Variants in SGCZ observed in about 807,000 individuals in gnomAD.
SGCZ encodes sarcoglycan zeta.
In SGCZ, 40 loss-of-function variants were observed where a neutral mutation model predicts 41.3. The observed-to-expected ratio is 0.97, with a 90% confidence interval of 0.75 to 1.26. The LOEUF is 1.26. SGCZ is among the 50% of genes most tolerant of loss of function. The pLI is 0.00. For missense variants in SGCZ, 552 were observed against 369.8 expected (o/e 1.49, Z -4.04); for synonymous variants, 206 against 137.5 (o/e 1.50, Z -3.49).
chr8:14,783,022 G>A (rs2130440345), intron 1 of SGCZ, among the ~76,000 whole-genome samples: 1 of 152,280 alleles, frequency 6.6e-6, no homozygotes, highest in Non-Finnish European at 1.5e-5. Context: ...TTTACTTGGA[G>A]TTGTATTATT....
intron 1 of SGCZ, among the ~76,000 whole-genome samples, chr8:14,872,500 T>C (rs1585337002): frequency 6.6e-6 from 1 of 152,076 alleles, no homozygotes; most frequent in African/African-American, 2.4e-5. Context: ...ACAATGGTAA[T>C]AGAATCAGCA....
At position 15,057,115 on chromosome 8, in the gene SGCZ, G is replaced by C. The variant is rs114492782; in HGVS notation, c.39+180470C>G. 7.2e-3 allele frequency among the ~76,000 whole-genome samples: 1,095 copies of C among 152,294 alleles called. 9 individuals carry two copies. Among genetic ancestry groups the C allele is most frequent in the African/African-American group, 0.026 (1,062 of 41,566 alleles). On this transcript the variant is annotated intron_variant, in intron 1 of 7. Coordinates refer to ENST00000382080, the MANE Select transcript of SGCZ (RefSeq NM_139167.4). ...GCTGTTCCCCGATTACCACTGTGTG[G>C]GCCGATCAGCACTAGGCTGGAGCAC...
At chr8:15,002,232 A>G (rs1284551638) in intron 1 of SGCZ, among the ~76,000 whole-genome samples, 1 of 152,112 alleles carries the variant, frequency 6.6e-6, no homozygotes, top group Non-Finnish European at 1.5e-5. Flanking sequence ...TAATAAGTCA[A>G]TACAAAAACC....
At position 14,604,005 on chromosome 8, in the gene SGCZ, A is replaced by AC. The variant is rs1322106323; in HGVS notation, c.40-49080_40-49079insG. ...AAAATAGCAAACTGCCCTAAAAGTA[A>AC]TTCAACATCCTTAACAATTCATCCC... On this transcript the variant is annotated intron_variant, in intron 1 of 7. Transcript: ENST00000382080. Among the ~76,000 whole-genome samples the AC allele has an allele frequency of 2.0e-5, 3 of 152,304 alleles. No individual in the cohort carries two copies. The East Asian group carries it at 5.8e-4, about 29-fold the overall frequency.
chr8:14,414,938 G>A (rs1428123846), intron 2 of SGCZ, among the ~76,000 whole-genome samples: 1 of 151,834 alleles, frequency 6.6e-6, no homozygotes, highest in Non-Finnish European at 1.5e-5. Flanking sequence ...CTTAAAATTA[G>A]GAAGGCACTT....
At chr8:14,942,040 C>T (rs1256076152) in intron 1 of SGCZ, among the ~76,000 whole-genome samples, 8 of 152,094 alleles carry the variant, frequency 5.3e-5, no homozygotes, top group Non-Finnish European at 7.4e-5. Context: ...TTTAAAGCCT[C>T]TGTAATGGGT....
intron 1 of SGCZ, among the ~76,000 whole-genome samples, chr8:14,572,189 T>A (rs539030744): frequency 6.6e-6 from 1 of 152,326 alleles, no homozygotes; most frequent in South Asian, 2.1e-4. Flanking sequence ...ATTTTACTGC[T>A]CTCTACCAGA....
intron 2 of SGCZ, among the ~76,000 whole-genome samples, chr8:14,346,327 T>C (rs1459835317): frequency 6.6e-6 from 1 of 152,078 alleles, no homozygotes; most frequent in African/African-American, 2.4e-5. Context: ...TGAGATAAAA[T>C]ATACATTAGG....
At chr8:15,089,728 A>G (rs993665189) in intron 1 of SGCZ, among the ~76,000 whole-genome samples, 5 of 152,170 alleles carry the variant, frequency 3.3e-5, no homozygotes, top group African/African-American at 1.2e-4. Flanking sequence ...GACTGAGGAC[A>G]TGAACAGAAT....
At chr8:14,103,055 T>C (rs1156373635) in intron 6 of SGCZ, among the ~76,000 whole-genome samples, 1 of 152,116 alleles carries the variant, frequency 6.6e-6, no homozygotes, top group African/African-American at 2.4e-5. Flanking sequence ...AATAATGAAA[T>C]AAGACATTTT....
intron 2 of SGCZ, among the ~76,000 whole-genome samples, chr8:14,333,065 C>A (rs2117056243): frequency 6.6e-6 from 1 of 152,030 alleles, no homozygotes; most frequent in East Asian, 1.9e-4. Flanking sequence ...ATATATTTTT[C>A]TACAGGCAAT....
intron 2 of SGCZ, among the ~76,000 whole-genome samples, chr8:14,535,600 G>A (rs1019528832): frequency 1.3e-5 from 2 of 151,776 alleles, no homozygotes; most frequent in Non-Finnish European, 2.9e-5. Flanking sequence ...GCAGTGTTAA[G>A]CCTTCATAAC....
At chr8:14,968,716 G>C (rs762298874) in intron 1 of SGCZ, among the ~76,000 whole-genome samples, 3 of 152,112 alleles carry the variant, frequency 2.0e-5, no homozygotes, top group Non-Finnish European at 4.4e-5. Flanking sequence ...TCTAAGCTGA[G>C]TGTTTAAAGG....
intron 3 of SGCZ, among the ~76,000 whole-genome samples, chr8:14,249,867 G>C (rs1799228613): frequency 6.6e-6 from 1 of 152,272 alleles, no homozygotes; most frequent in South Asian, 2.1e-4. Flanking sequence ...GCAAGATTTT[G>C]AGCCAGAAGC....
chr8:14,447,061 T>A (rs548104964), intron 2 of SGCZ, among the ~76,000 whole-genome samples: 1 of 152,150 alleles, frequency 6.6e-6, no homozygotes, highest in Non-Finnish European at 1.5e-5. Context: ...ATACCACATT[T>A]TCCAGAAAAT....
chr8:14,443,010 C>A (rs572643489), intron 2 of SGCZ, among the ~76,000 whole-genome samples: 1 of 152,188 alleles, frequency 6.6e-6, no homozygotes, highest in South Asian at 2.1e-4. Flanking sequence ...TTCTTATAAA[C>A]CAATAACAGC....
intron 2 of SGCZ, among the ~76,000 whole-genome samples, chr8:14,531,561 A>G (rs1389460033): frequency 2.0e-5 from 3 of 152,126 alleles, no homozygotes; most frequent in Admixed American, 6.6e-5. Context: ...GTGGCAGTCC[A>G]GAAGTTTCCA....
intron 1 of SGCZ, among the ~76,000 whole-genome samples, chr8:14,626,820 A>C (rs975846510): frequency 6.6e-6 from 1 of 152,180 alleles, no homozygotes; most frequent in Admixed American, 6.6e-5. Flanking sequence ...TAGTCACCAG[A>C]ACTGAGAGAC....
At chr8:14,467,713 C>T (rs774656743) in intron 2 of SGCZ, among the ~76,000 whole-genome samples, 4 of 152,020 alleles carry the variant, frequency 2.6e-5, no homozygotes, top group Non-Finnish European at 5.9e-5. Context: ...TTCGGTCCTT[C>T]CTACACTTCC....
Sources: gnomAD v4.1 joint callset for allele counts (sites outside exome capture counted in the v4.1 genomes callset) on GRCh38, gnomAD v4.1.1 for gene constraint, MANE v1.5 for transcripts, NCBI Gene and HGNC (gene_info 2026-07-23, HGNC 2026-07-21) for gene names.